GPC6: variants seen among roughly 807,000 people sequenced by gnomAD.
GPC6 encodes glypican 6.
Under a neutral mutation model 55.2 loss-of-function variants are expected in GPC6, and 14 were observed. That is an observed-to-expected ratio of 0.25 (90% CI 0.17 to 0.40). The LOEUF (loss-of-function observed/expected upper bound fraction) is 0.40, where lower values mean the gene tolerates loss of function less well. Ranked by LOEUF, GPC6 falls within the 10% of genes least tolerant of loss-of-function variation. The pLI, the probability that GPC6 is intolerant of heterozygous loss-of-function variation, is 1.00. For synonymous variants in GPC6, 278 were observed against 259.6 expected, an observed-to-expected ratio of 1.07 and a Z score of -0.68; for missense variants, 641 against 708.5, an observed-to-expected ratio of 0.90 and a Z score of 1.08.
chr13:93,647,536 C>T (rs778749547), intron 2 of GPC6, among the ~76,000 whole-genome samples: 8 of 152,102 alleles, frequency 5.3e-5, no homozygotes, highest in East Asian at 1.9e-4. Context: ...GGGATAGCCT[C>T]GATGCTGAGG....
chr13:93,818,755 C>G (rs979296797), intron 2 of GPC6: 4 of 152,192 alleles, frequency 2.6e-5, no homozygotes, highest in Admixed American at 1.3e-4. Flanking sequence ...ATGAAACTCT[C>G]TCTTCTCAAG....
At chr13:94,114,517 A>C (rs1329959255) in intron 4 of GPC6, among the ~76,000 whole-genome samples, 1 of 152,096 alleles carries the variant, frequency 6.6e-6, no homozygotes, top group African/African-American at 2.4e-5. Context: ...ATTAGGCATG[A>C]TCTATTAGGC....
At chr13:94,005,051 G>A (rs773841847) in intron 3 of GPC6, among the ~76,000 whole-genome samples, 9 of 152,050 alleles carry the variant, frequency 5.9e-5, no homozygotes, top group Non-Finnish European at 1.2e-4. Flanking sequence ...GGGCAACAGA[G>A]GCTGACTCCA....
In GPC6 at chr13:94,103,774, T is replaced by C. The variant is rs1300737416; in HGVS notation, c.877+75880T>C. Among the ~76,000 whole-genome samples, 3 of 152,208 alleles carry C rather than the reference T, an allele frequency of 2.0e-5. No individual in the cohort carries two copies. In the East Asian group the frequency reaches 5.8e-4, roughly 29 times the overall value. On this transcript the variant is annotated intron_variant, in intron 4 of 8. Coordinates refer to ENST00000377047, the MANE Select transcript of GPC6 (RefSeq NM_005708.5). ...GTAAATTTAAGTTCTTTGTAGATTC[T>C]GGATATTAGCCCTTTGTCAGATGGG...
chr13:94,240,631 A>C (rs1891029410), intron 4 of GPC6, among the ~76,000 whole-genome samples: 1 of 149,866 alleles, frequency 6.7e-6, no homozygotes. Context: ...AAGTAAATAA[A>C]ATAAAATAAA....
chr13:94,181,460 G>A (rs893100337), intron 4 of GPC6, among the ~76,000 whole-genome samples: 1 of 152,206 alleles, frequency 6.6e-6, no homozygotes. Context: ...TTATTAATTT[G>A]TGGAGATTTT....
intron 1 of GPC6, among the ~76,000 whole-genome samples, chr13:93,490,576 A>G (rs1879948531): frequency 8.2e-6 from 1 of 121,336 alleles, no homozygotes; most frequent in Non-Finnish European, 1.6e-5. Context: ...TGTGCAGGTT[A>G]GTTACATATG....
intron 3 of GPC6, among the ~76,000 whole-genome samples, chr13:93,910,506 G>A (rs1156460993): frequency 6.6e-6 from 1 of 152,058 alleles, no homozygotes; most frequent in Non-Finnish European, 1.5e-5. Flanking sequence ...AGTGGAGGGA[G>A]TGATTGAGAG....
At chr13:93,946,810 C>T (rs558473545) in intron 3 of GPC6, among the ~76,000 whole-genome samples, 1 of 152,130 alleles carries the variant, frequency 6.6e-6, no homozygotes, top group Non-Finnish European at 1.5e-5. Flanking sequence ...TGTGTATTTT[C>T]CTTACTTTTT....
chr13:93,886,474 A>C (rs574190852), intron 3 of GPC6, among the ~76,000 whole-genome samples: 48 of 152,022 alleles, frequency 3.2e-4, no homozygotes, highest in Non-Finnish European at 2.1e-4. Context: ...TGGAGGTATC[A>C]GGCTTAAGGT....
chr13:93,591,427 G>A (rs1385150276), intron 2 of GPC6, among the ~76,000 whole-genome samples: 1 of 147,916 alleles, frequency 6.8e-6, no homozygotes, highest in Non-Finnish European at 1.5e-5. Flanking sequence ...TCGCGCCACT[G>A]CACTCCAGCC....
chr13:94,013,454 G>A (rs866839820), intron 3 of GPC6, among the ~76,000 whole-genome samples: 13 of 152,126 alleles, frequency 8.5e-5, no homozygotes, highest in Admixed American at 7.9e-4. Flanking sequence ...AGGTTCAAGC[G>A]ATTCTCCTGC....
At chr13:94,264,484 T>C (rs1891736482) in intron 4 of GPC6, among the ~76,000 whole-genome samples, 1 of 152,190 alleles carries the variant, frequency 6.6e-6, no homozygotes, top group African/African-American at 2.4e-5. Flanking sequence ...ATCCTTTCTT[T>C]CAGCATATAT....
intron 1 of GPC6, among the ~76,000 whole-genome samples, chr13:93,523,260 T>C (rs1343708451): frequency 6.6e-6 from 1 of 150,688 alleles, no homozygotes; most frequent in East Asian, 2.0e-4. Flanking sequence ...CATATATGGA[T>C]AATATTGTGT....
At chr13:94,093,074 A>T (rs1217604548) in intron 4 of GPC6, among the ~76,000 whole-genome samples, 1 of 151,794 alleles carries the variant, frequency 6.6e-6, no homozygotes, top group African/African-American at 2.4e-5. Context: ...TTGCCTTTTC[A>T]CTCAATTGAT....
At chr13:93,528,298 T>C (rs539254159) in intron 1 of GPC6, among the ~76,000 whole-genome samples, 2 of 152,300 alleles carry the variant, frequency 1.3e-5, no homozygotes, top group East Asian at 1.9e-4. Context: ...AGTGGCTAAC[T>C]TTGAGTAAGC....
At chr13:94,285,176 T>C (rs1029299772) in intron 4 of GPC6, among the ~76,000 whole-genome samples, 1 of 152,140 alleles carries the variant, frequency 6.6e-6, no homozygotes. Context: ...GGCAAATGAA[T>C]TGAGATAACG....
intron 4 of GPC6, among the ~76,000 whole-genome samples, chr13:94,254,177 G>T (rs1365363824): frequency 6.6e-6 from 1 of 152,074 alleles, no homozygotes; most frequent in Non-Finnish European, 1.5e-5. Flanking sequence ...AGTGCCTTTG[G>T]CATGTACTGG....
chr13:94,344,336 T>G (rs1412361489), intron 6 of GPC6, among the ~76,000 whole-genome samples: 1 of 152,176 alleles, frequency 6.6e-6, no homozygotes, highest in Non-Finnish European at 1.5e-5. Context: ...CAGGTTTGAA[T>G]TAACAATGAA....
Sources: gnomAD v4.1 joint callset for allele counts (sites outside exome capture counted in the v4.1 genomes callset) on GRCh38, gnomAD v4.1.1 for gene constraint, MANE v1.5 for transcripts, NCBI Gene and HGNC (gene_info 2026-07-23, HGNC 2026-07-21) for gene names.